The following DHX40 variants were observed in gnomAD, a reference collection of about 807,000 sequenced individuals.
DHX40 encodes the protein DEAH-box helicase 40.
DHX40 carries 28 observed loss-of-function variants against 89.6 expected under a neutral mutation model. The observed-to-expected ratio is 0.31, with a 90% CI of 0.23 to 0.43. The LOEUF (loss-of-function observed/expected upper bound fraction) is 0.43, where lower values mean the gene tolerates loss of function less well. DHX40 is among the 20% of genes least tolerant of loss of function. The pLI is 1.00. For missense variants in DHX40, 457 were observed against 844.0 expected (o/e 0.54, Z 5.68); for synonymous variants, 226 against 283.6 (o/e 0.80, Z 2.04).
In DHX40 at chr17:59,589,895, A is replaced by C. The variant is rs577863880; in HGVS notation, c.1582+1842A>C. Among the ~76,000 whole-genome samples, 1,397 of 149,566 alleles carry C rather than the reference A, an allele frequency of 9.3e-3. 38 individuals are homozygous for C. The highest frequency in any genetic ancestry group is 0.015 in the Non-Finnish European group (1,009 of 67,492). On this transcript the variant is annotated intron_variant, in intron 12 of 17. Coordinates refer to ENST00000251241, the MANE Select transcript of DHX40 (RefSeq NM_024612.5). ...GCCACCACGCCTGGCTAATTTTTGT[A>C]TTTTTAGTAGAGATGGGGTTTCACC...
intron 14 of DHX40, among the ~76,000 whole-genome samples, chr17:59,602,280 G>A (rs2030578494): frequency 6.6e-6 from 1 of 152,158 alleles, no homozygotes; most frequent in Admixed American, 6.5e-5. Context: ...TGGGGCAGTT[G>A]TTGGGCGTAC....
chr17:59,596,287 G>C (rs1225693071), intron 12 of DHX40, among the ~76,000 whole-genome samples: 2 of 152,184 alleles, frequency 1.3e-5, no homozygotes, highest in African/African-American at 4.8e-5. Context: ...AGTATCCCTG[G>C]CTGGCGTGTT....
chr17:59,571,861 C>T (rs118154604), intron 3 of DHX40, among the ~76,000 whole-genome samples: 319 of 152,170 alleles, frequency 2.1e-3, no homozygotes, highest in East Asian at 6.8e-3. Flanking sequence ...TAAACCACCG[C>T]GCCCTGCTGT....
intron 2 of DHX40, 22 bp downstream of exon 2, chr17:59,566,816 A>G (rs1229495449): frequency 6.4e-7 from 1 of 1,550,490 alleles, no homozygotes; most frequent in Non-Finnish European, 8.7e-7. Context: ...CTGTTGTAAT[A>G]ATTGGAAATA....
Position 59,586,135 on chromosome 17 carries a change from T to G in DHX40, c.1344-18T>G. 1 of 1,550,426 alleles carries G rather than the reference T, an allele frequency of 6.4e-7. No homozygotes were observed. The highest frequency in any genetic ancestry group is 8.8e-7 in the Non-Finnish European group (1 of 1,138,524). ...TTCAAGGAATGCCTCTCACTTCATATCTCATTTAAACACACAGGTTTCCCT... is the reference window on the plus strand; with the variant it reads ...TTCAAGGAATGCCTCTCACTTCATAGCTCATTTAAACACACAGGTTTCCCT... On this transcript the variant is annotated intron_variant, in intron 10 of 17. Transcript: ENST00000251241.
chr17:59,605,203 A>G lies in DHX40; in HGVS notation c.1971+19A>G. 6.2e-7 allele frequency: 1 copy of G among 1,610,468 alleles called. No individual in the cohort carries two copies. Among genetic ancestry groups the G allele is most frequent in the Non-Finnish European group, 8.5e-7 (1 of 1,176,740 alleles). ...CTCAGCAGTAAGTACTTCATTTTTA[A>G]TAAAGGGAAGAAATTTGTAAAGTTG... On this transcript the variant is annotated intron_variant, in intron 16 of 17. Coordinates refer to ENST00000251241, the MANE Select transcript of DHX40 (RefSeq NM_024612.5).
At chr17:59,597,795 C>T (rs1017162399) in intron 12 of DHX40, among the ~76,000 whole-genome samples, 45 of 151,302 alleles carry the variant, frequency 3.0e-4, no homozygotes, top group African/African-American at 1.0e-3. Flanking sequence ...ATTAGCCGGG[C>T]GCGGTGGCGG....
intron 10 of DHX40, among the ~76,000 whole-genome samples, chr17:59,585,371 A>G (rs576711460): frequency 7.3e-6 from 1 of 136,820 alleles, no homozygotes; most frequent in South Asian, 2.4e-4. Context: ...CTGCACTCCA[A>G]CCTGGGCAGC....
rs191507600 is a variant in DHX40, at chr17:59,602,645, C to G, written c.1901+29C>G. On this transcript the variant is annotated intron_variant, in intron 15 of 17. Coordinates refer to ENST00000251241, the MANE Select transcript of DHX40 (RefSeq NM_024612.5). ...AGCAATAAAGACTTGAGAGATGGAT[C>G]AAGATATAATACTGTATTTGACTAT... 3.1e-5 allele frequency: 48 copies of G among 1,551,590 alleles called. No homozygotes were observed. In the Admixed American group the frequency reaches 8.1e-4, roughly 26 times the overall value.
At chr17:59,586,342 G>A in intron 11 of DHX40, 109 bp downstream of exon 11, 1 of 966,670 alleles carries the variant, frequency 1.0e-6, no homozygotes, top group Non-Finnish European at 1.5e-6. Context: ...TAAATTGAAT[G>A]GATTGTTAGT....
intron 17 of DHX40, among the ~76,000 whole-genome samples, chr17:59,606,542 C>T (rs566177139): frequency 6.0e-4 from 91 of 152,158 alleles, no homozygotes; most frequent in South Asian, 1.9e-3. Flanking sequence ...GTCAGGAGAT[C>T]GAGACCATCC....
intron 12 of DHX40, among the ~76,000 whole-genome samples, chr17:59,593,078 TG>T (rs1379992956): frequency 1.1e-5 from 1 of 93,544 alleles, no homozygotes; most frequent in Non-Finnish European, 1.8e-5. Context: ...AATTGCTTCT[TG>T]TTTAGTTCTA....
chr17:59,566,113 C>T (rs1306746855), intron 1 of DHX40, among the ~76,000 whole-genome samples: 1 of 152,108 alleles, frequency 6.6e-6, no homozygotes, highest in Non-Finnish European at 1.5e-5. Flanking sequence ...CGCCAGCCTG[C>T]CTTTGGGTAC....
chr17:59,604,844 C>T (rs2030747132), intron 15 of DHX40: 1 of 331,232 alleles, frequency 3.0e-6, no homozygotes, highest in Admixed American at 4.3e-5. Flanking sequence ...TCCTGGCTCT[C>T]AAAGCTCATA....
At chr17:59,606,979 C>G in intron 17 of DHX40, 54 bp from the exon 18 acceptor site, 1 of 1,476,720 alleles carries the variant, frequency 6.8e-7, no homozygotes, top group Non-Finnish European at 9.3e-7. Context: ...CTTAACATTT[C>G]TAGTACTGAA....
intron 11 of DHX40, among the ~76,000 whole-genome samples, chr17:59,586,794 A>G (rs184670474): frequency 1.8e-3 from 275 of 152,198 alleles, no homozygotes; most frequent in Non-Finnish European, 2.4e-3. Context: ...CATAAAAATG[A>G]TAAGAGAGCC....
At chr17:59,585,909 T>C (rs746904460) in intron 10 of DHX40, among the ~76,000 whole-genome samples, 101 of 151,366 alleles carry the variant, frequency 6.7e-4, no homozygotes, top group Non-Finnish European at 1.3e-3. Flanking sequence ...AGTAGACTGG[T>C]GAGAGTATTT....
intron 2 of DHX40, among the ~76,000 whole-genome samples, chr17:59,569,769 G>A (rs2048765836): frequency 7.1e-6 from 1 of 140,792 alleles, no homozygotes; most frequent in African/African-American, 2.8e-5. Flanking sequence ...GTTTTGGCTG[G>A]GCGTGGTGTC....
chr17:59,577,096 C>T (rs1367280133), intron 7 of DHX40, 170 bp from the exon 8 acceptor site: 1 of 658,884 alleles, frequency 1.5e-6, no homozygotes, highest in African/African-American at 1.8e-5. Context: ...GTCTCGATAT[C>T]CTGACCTTGT....
Sources: allele counts gnomAD v4.1 joint callset (sites outside exome capture counted in the v4.1 genomes callset), GRCh38; gene constraint gnomAD v4.1.1; transcripts MANE v1.5; gene names NCBI Gene and HGNC (gene_info 2026-07-23, HGNC 2026-07-21).